Variants in SMCO3 observed in about 807,000 individuals in gnomAD.
SMCO3 encodes the protein single-pass membrane protein with coiled-coil domains 3.
SMCO3 carries 6 observed loss-of-function variants against 12.0 expected under a neutral mutation model. The ratio of observed to expected loss-of-function variants is 0.50; its 90% CI spans 0.27 to 0.99. The LOEUF (loss-of-function observed/expected upper bound fraction) is 0.99, where lower values mean the gene tolerates loss of function less well. Among genes scored for constraint, SMCO3 ranks in the 50% least tolerant of loss-of-function variants. The pLI is 0.11. For missense variants in SMCO3, 279 were observed against 265.0 expected, an observed-to-expected ratio of 1.05 and a Z score of -0.37; for synonymous variants, 96 against 96.4, an observed-to-expected ratio of 1.00 and a Z score of 0.02.
chr12:14,807,935 G>A (rs556944719), intron 1 of SMCO3, among the ~76,000 whole-genome samples: 1 of 152,300 alleles, frequency 6.6e-6, no homozygotes, highest in East Asian at 1.9e-4. Context: ...GGAGGCCCAG[G>A]CAGGTGAATA....
chr12:14,809,566 TG>T (rs984523074), intron 1 of SMCO3, among the ~76,000 whole-genome samples: 6 of 152,290 alleles, frequency 3.9e-5, no homozygotes, highest in African/African-American at 1.4e-4. Context: ...ACTCCATAAA[TG>T]GTCTTGAGTC....
intron 1 of SMCO3, among the ~76,000 whole-genome samples, chr12:14,810,217 C>T (rs1026642178): frequency 1.3e-5 from 2 of 152,118 alleles, no homozygotes; most frequent in African/African-American, 2.4e-5. Context: ...AGCAGGCCTG[C>T]CACCATACCT....
At chr12:14,811,839 T>A (rs1211839815) in intron 1 of SMCO3, among the ~76,000 whole-genome samples, 1 of 152,220 alleles carries the variant, frequency 6.6e-6, no homozygotes, top group African/African-American at 2.4e-5. Context: ...TAGAAATTAA[T>A]ATCAAGGTGA....
rs892745271 is a variant in SMCO3 at position 14,806,273 on chromosome 12, CA to C, written c.407del (p.Val136GlyfsTer9). On this transcript the variant is annotated frameshift_variant, in exon 2 of 2. Transcript: ENST00000316048. LOFTEE classifies it high-confidence loss of function. ...SAASAVAVKL[V>X]GSNVTTGIIN... Reference sequence around the variant, plus strand: ...TTATGCCAGTTGTGACATTTGAGCCCACAAGTTTAACAGCGACTGCACTGGC... The same window carrying C: ...TTATGCCAGTTGTGACATTTGAGCCCCAAGTTTAACAGCGACTGCACTGGC... 1.9e-6 allele frequency: 3 copies of C among 1,614,086 alleles called. No homozygotes were observed. In the African/African-American group the frequency reaches 4.0e-5, roughly 22 times the overall value.
Position 14,804,764 on chromosome 12 carries a change from A to G in SMCO3, c.*1239T>C, listed in dbSNP as rs556315361. Reference sequence around the variant, plus strand: ...AAACAATGCAAGAAGAGAAAGAGAAAACAGTGTATGTTGGAAATATTAAAG... The same window carrying G: ...AAACAATGCAAGAAGAGAAAGAGAAGACAGTGTATGTTGGAAATATTAAAG... On this transcript the variant is annotated 3_prime_UTR_variant, in exon 2 of 2. Coordinates refer to ENST00000316048, the MANE Select transcript of SMCO3 (RefSeq NM_001013698.2). The G allele has an allele frequency of 5.3e-5, 8 of 152,362 alleles. No individual in the cohort carries two copies. The highest frequency in any genetic ancestry group is 2.0e-4 in the Admixed American group (3 of 15,308). The allele number at this position is 152,362 out of a possible 1,614,324, so 9.4% of individuals were successfully genotyped here.
Position 14,806,038 on chromosome 12 carries a change from C to T in SMCO3, c.643G>A (p.Glu215Lys), listed in dbSNP as rs1950042736. 6.2e-7 allele frequency: 1 copy of T among 1,613,820 alleles called. No individual in the cohort carries two copies. The highest frequency in any genetic ancestry group is 1.7e-5 in the Admixed American group (1 of 59,982). ...ASEKYNHAIT[E>K]VINTVKHQMK ...TGGTGTTTCACTGTATTGATGACCT[C>T]AGTAATGGCATGATTATATTTTTCT... The change falls in exon 2 of 2, where the codon GAG becomes AAG. Residue 215 changes from glutamate to lysine, a missense_variant. Coordinates refer to ENST00000316048, the MANE Select transcript of SMCO3 (RefSeq NM_001013698.2).
intron 1 of SMCO3, among the ~76,000 whole-genome samples, chr12:14,812,836 G>A (rs74781448): frequency 0.011 from 1,695 of 152,160 alleles, 16 homozygotes; most frequent in South Asian, 0.038. Context: ...GAGGTTTACT[G>A]TGAATGATCC....
At position 14,805,749 on chromosome 12, in the gene SMCO3, G is replaced by T; in HGVS notation, c.*254C>A. ...TAGCATTTACCCCAATGTTGATCTG[G>T]TAGAGCAGGGTGTGAAAACATCCAG... On this transcript the variant is annotated 3_prime_UTR_variant, in exon 2 of 2. Transcript: ENST00000316048. 1 of 460,854 alleles carries T rather than the reference G, an allele frequency of 2.2e-6. No homozygotes were observed. The highest frequency in any genetic ancestry group is 3.8e-6 in the Non-Finnish European group (1 of 261,298). 28.5% of individuals were successfully genotyped at this position (460,854 alleles called of 1,614,324 possible).
At chr12:14,807,499 T>A (rs1950072062) in intron 1 of SMCO3, among the ~76,000 whole-genome samples, 1 of 152,202 alleles carries the variant, frequency 6.6e-6, no homozygotes, top group Admixed American at 6.5e-5. Context: ...TACAGGGCTG[T>A]TTTTTGTATT....
At chr12:14,808,735 A>G (rs1950093231) in intron 1 of SMCO3, among the ~76,000 whole-genome samples, 1 of 152,194 alleles carries the variant, frequency 6.6e-6, no homozygotes, top group African/African-American at 2.4e-5. Context: ...AAAATAAACT[A>G]CCATGGTCAG....
Position 14,806,148 on chromosome 12 carries a change from G to A in SMCO3, c.533C>T (p.Ala178Val), listed in dbSNP as rs755400649. 5.6e-6 allele frequency: 9 copies of A among 1,613,876 alleles called. No individual in the cohort carries two copies. The African/African-American group carries it at 6.7e-5, about 12-fold the overall frequency. Residue 178 changes from alanine (A) to valine (V), a missense_variant, in exon 2 of 2, where the codon GCC becomes GTC. Transcript: ENST00000316048. ...TGTTTTTTCCACTGCTCCCAGGATG[G>A]CACGGACAATCATATCTATGCCAAG... ...LGLGIDMIVR[A>V]ILGAVEKTQL...
At chr12:14,813,321 T>A (rs192866638) in intron 1 of SMCO3, among the ~76,000 whole-genome samples, 70 of 152,308 alleles carry the variant, frequency 4.6e-4, no homozygotes, top group African/African-American at 1.7e-3. Context: ...AGTTTCCTTA[T>A]CTGGGAGTGT....
rs777248662 is a variant in SMCO3, at chr12:14,806,151, C to T, written c.530G>A (p.Arg177His). The change falls in exon 2 of 2, where the codon CGT becomes CAT. Residue 177 changes from arginine to histidine, a missense_variant. By Grantham distance (29) the Arg-to-His change is conservative. Coordinates refer to ENST00000316048, the MANE Select transcript of SMCO3 (RefSeq NM_001013698.2). Reference protein sequence around the residue: ...VLGLGIDMIVRAILGAVEKTQ... With the variant: ...VLGLGIDMIVHAILGAVEKTQ... ...TTTTTCCACTGCTCCCAGGATGGCA[C>T]GGACAATCATATCTATGCCAAGGCC... 2.9e-5 allele frequency: 46 copies of T among 1,613,896 alleles called. No homozygotes were observed. The highest frequency in any genetic ancestry group is 1.6e-4 in the Middle Eastern group (1 of 6,084).
At chr12:14,808,134 C>T (rs967808904) in intron 1 of SMCO3, among the ~76,000 whole-genome samples, 4 of 151,460 alleles carry the variant, frequency 2.6e-5, no homozygotes, top group Non-Finnish European at 5.9e-5. Context: ...CACTGCACTC[C>T]AGCCTGGGCA....
At chr12:14,809,459 T>G (rs1331231385) in intron 1 of SMCO3, among the ~76,000 whole-genome samples, 1 of 152,166 alleles carries the variant, frequency 6.6e-6, no homozygotes, top group Non-Finnish European at 1.5e-5. Flanking sequence ...CAAGAGTCAG[T>G]GAATTAATGG....
At chr12:14,812,174 G>A (rs2137266798) in intron 1 of SMCO3, among the ~76,000 whole-genome samples, 1 of 152,336 alleles carries the variant, frequency 6.6e-6, no homozygotes, top group African/African-American at 2.4e-5. Context: ...GCCGGGCGTG[G>A]TGGCTCACGC....
In SMCO3 at chr12:14,806,484, C is replaced by A; in HGVS notation, c.197G>T (p.Cys66Phe). 1 of 1,614,126 alleles carries A rather than the reference C, an allele frequency of 6.2e-7. No homozygotes were observed. The highest frequency in any genetic ancestry group is 8.5e-7 in the Non-Finnish European group (1 of 1,180,022). Residue 66 changes from cysteine to phenylalanine, a missense_variant, in exon 2 of 2, where the codon TGT (cysteine) becomes TTT (phenylalanine). By Grantham distance (205) the Cys-to-Phe change is radical (BLOSUM62 -2). Coordinates refer to ENST00000316048, the MANE Select transcript of SMCO3 (RefSeq NM_001013698.2). ...MKRDGTIKEN[C>F]DLIIQAIMKI... is the part of the protein sequence containing the mutation. ...CATAATGGCTTGGATGATGAGGTCACAGTTTTCTTTGATGGTCCCATCTCT... is the reference window on the plus strand; with the variant it reads ...CATAATGGCTTGGATGATGAGGTCAAAGTTTTCTTTGATGGTCCCATCTCT...
chr12:14,812,615 T>A (rs1950158878), intron 1 of SMCO3, among the ~76,000 whole-genome samples: 1 of 152,148 alleles, frequency 6.6e-6, no homozygotes, highest in Admixed American at 6.5e-5. Flanking sequence ...CCTAGAAGAA[T>A]TACATAATTA....
At position 14,806,040 on chromosome 12, in the gene SMCO3, G is replaced by A; in HGVS notation, c.641C>T (p.Thr214Ile). 18 of 1,614,080 alleles carry A rather than the reference G, an allele frequency of 1.1e-5. No individual in the cohort carries two copies. The highest frequency in any genetic ancestry group is 1.5e-5 in the Non-Finnish European group (18 of 1,179,988). Residue 214 changes from threonine to isoleucine, a missense_variant, in exon 2 of 2, where the codon ACT becomes ATT. Thr to Ile is a moderately conservative substitution (Grantham distance 89). Transcript: ENST00000316048. ...GTGTTTCACTGTATTGATGACCTCA[G>A]TAATGGCATGATTATATTTTTCTGA... Reference protein sequence around the residue: ...SASEKYNHAITEVINTVKHQM... With the variant: ...SASEKYNHAIIEVINTVKHQM...
Sources: gnomAD v4.1 joint callset for allele counts (sites outside exome capture counted in the v4.1 genomes callset) on GRCh38, gnomAD v4.1.1 for gene constraint, MANE v1.5 for transcripts, NCBI Gene and HGNC (gene_info 2026-07-23, HGNC 2026-07-21) for gene names.